PHLPP2: variants seen among roughly 807,000 people sequenced by gnomAD.
PHLPP2 encodes PH domain leucine-rich repeat-containing protein phosphatase 2.
PHLPP2 carries 66 observed loss-of-function variants against 124.9 expected under a neutral mutation model. That is an observed-to-expected ratio of 0.53 (90% CI 0.43 to 0.65). The LOEUF is 0.65. Ranked by LOEUF, PHLPP2 falls within the 30% of genes least tolerant of loss-of-function variation. The probability of loss-of-function intolerance (pLI) is 0.00; values close to 1 mark genes in which losing one functional copy is unlikely to be tolerated. For synonymous variants in PHLPP2, 681 were observed against 624.7 expected (o/e 1.09, Z -1.34); for missense variants, 1,685 against 1,600.4 (o/e 1.05, Z -0.90).
intron 13 of PHLPP2, among the ~76,000 whole-genome samples, chr16:71,662,697 C>A (rs542955663): frequency 1.3e-5 from 2 of 151,924 alleles, no homozygotes; most frequent in Non-Finnish European, 2.9e-5. Flanking sequence ...TTAATGACTA[C>A]CTTCATGGCA....
rs181472550 is a variant in PHLPP2, at chr16:71,708,466, C to T, written c.285-5735G>A. Among the ~76,000 whole-genome samples the T allele has an allele frequency of 4.9e-3, 741 of 152,298 alleles. 18 individuals are homozygous for T. Among genetic ancestry groups the T allele is most frequent in the South Asian group, 1.4e-3 (7 of 4,828 alleles). ...TATAAAACTGCCCCACCCCATCTCC[C>T]TTTGCTGATTCCTTTTTCCGACTCA... On this transcript the variant is annotated intron_variant, in intron 2 of 18. Transcript: ENST00000568954.
intron 1 of PHLPP2, among the ~76,000 whole-genome samples, chr16:71,717,321 AAAG>A (rs1282272831): frequency 6.6e-6 from 1 of 152,204 alleles, no homozygotes; most frequent in Non-Finnish European, 1.5e-5. Context: ...ATGTGGGAAA[AAAG>A]AAAAACAAGA....
intron 9 of PHLPP2, among the ~76,000 whole-genome samples, chr16:71,675,530 T>C (rs1421302508): frequency 6.6e-6 from 1 of 152,202 alleles, no homozygotes; most frequent in African/African-American, 2.4e-5. Flanking sequence ...GGCTAAATAG[T>C]AAACATTTTA....
At chr16:71,671,514 T>A (rs868666155) in intron 10 of PHLPP2, among the ~76,000 whole-genome samples, 4 of 151,998 alleles carry the variant, frequency 2.6e-5, no homozygotes, top group Admixed American at 6.6e-5. Flanking sequence ...CCAACAGTGG[T>A]TATAAATGAA....
rs894273700 is a variant in PHLPP2, at chr16:71,649,681, T to C, written c.3181A>G (p.Ile1061Val). The C allele has an allele frequency of 1.2e-6, 2 of 1,614,120 alleles. No homozygotes were observed. The change falls in exon 19 of 19, where the codon ATC becomes GTC. Residue 1061 changes from isoleucine to valine, a missense_variant. Physicochemically the swap from Ile to Val is conservative, Grantham distance 29 (BLOSUM62 3). Coordinates refer to ENST00000568954, the MANE Select transcript of PHLPP2 (RefSeq NM_015020.3). Reference sequence around the variant, plus strand: ...GTGGCTGGCTTAGGGGCATCCTTGATAGTGGTGGTTGAAGCAAATCCCACA... The same window carrying C: ...GTGGCTGGCTTAGGGGCATCCTTGACAGTGGTGGTTGAAGCAAATCCCACA... ...GPVGFASTTT[I>V]KDAPKPATPS... is the part of the protein sequence containing the mutation.
rs191031922 is a variant in PHLPP2, at chr16:71,676,740, C to T, written c.1269-91G>A. The T allele has an allele frequency of 5.1e-5, 48 of 936,306 alleles. No individual in the cohort carries two copies. In the East Asian group the frequency reaches 1.2e-3, roughly 23 times the overall value. The allele number at this position is 936,306 out of a possible 1,614,324, so 58.0% of individuals were successfully genotyped here. A position where few individuals can be genotyped will look rare whatever the true frequency, so the allele number is the denominator to read the frequency against. ...AAATAAAAAATAGGACAGGTATGAT[C>T]CCTTTCTCTGTTTACTTTTTTTTTT... On this transcript the variant is annotated intron_variant, in intron 8 of 18. Coordinates refer to ENST00000568954, the MANE Select transcript of PHLPP2 (RefSeq NM_015020.3).
chr16:71,694,931 C>T (rs1390646296), intron 3 of PHLPP2, among the ~76,000 whole-genome samples: 1 of 151,922 alleles, frequency 6.6e-6, no homozygotes, highest in African/African-American at 2.4e-5. Context: ...ACTACAGGCG[C>T]CTGCCACCAC....
At chr16:71,650,881 T>C (rs570854131) in intron 18 of PHLPP2, among the ~76,000 whole-genome samples, 8 of 152,362 alleles carry the variant, frequency 5.3e-5, no homozygotes, top group East Asian at 1.9e-4. Context: ...CCCACTGAAT[T>C]AGAAACTCTG....
intron 4 of PHLPP2, among the ~76,000 whole-genome samples, chr16:71,689,006 C>T (rs1218015774): frequency 6.6e-6 from 1 of 152,062 alleles, no homozygotes; most frequent in African/African-American, 2.4e-5. Flanking sequence ...CTTGCAGAAA[C>T]AAAAGATACC....
chr16:71,691,070 C>T (rs999807226), intron 3 of PHLPP2, among the ~76,000 whole-genome samples: 2 of 152,192 alleles, frequency 1.3e-5, no homozygotes, highest in African/African-American at 4.8e-5. Context: ...ACTTTGTTTA[C>T]TTGAACTATT....
chr16:71,671,666 G>A (rs563003484), intron 10 of PHLPP2, among the ~76,000 whole-genome samples: 2 of 151,980 alleles, frequency 1.3e-5, no homozygotes, highest in African/African-American at 2.4e-5. Context: ...TGTAATCCCA[G>A]CACTTTGGAA....
intron 6 of PHLPP2, 110 bp downstream of exon 6, chr16:71,681,641 A>G: frequency 1.2e-6 from 1 of 813,030 alleles, no homozygotes; most frequent in Admixed American, 2.9e-5. Flanking sequence ...CCTCTTCAAA[A>G]GGGAGGGGAA....
chr16:71,690,460 G>T, intron 4 of PHLPP2, 59 bp downstream of exon 4: 1 of 1,129,378 alleles, frequency 8.9e-7, no homozygotes, highest in Non-Finnish European at 1.3e-6. Context: ...AAAGCATTAT[G>T]TGATATTTTC....
chr16:71,689,205 T>C (rs1300429239), intron 4 of PHLPP2, among the ~76,000 whole-genome samples: 3 of 151,970 alleles, frequency 2.0e-5, no homozygotes, highest in Non-Finnish European at 4.4e-5. Context: ...GCTAGGTCTT[T>C]TCATATTTTT....
chr16:71,659,459 C>A (rs1007188562), intron 13 of PHLPP2, among the ~76,000 whole-genome samples: 16 of 152,136 alleles, frequency 1.1e-4, no homozygotes, highest in African/African-American at 3.1e-4. Context: ...CCATGTTGGC[C>A]AGGATGGTCT....
At chr16:71,689,365 C>A (rs1007200182) in intron 4 of PHLPP2, among the ~76,000 whole-genome samples, 1 of 145,516 alleles carries the variant, frequency 6.9e-6, no homozygotes, top group African/African-American at 2.5e-5. Flanking sequence ...ACACTTCAGG[C>A]GCCACACCAC....
chr16:71,677,375 C>A (rs571787602), intron 8 of PHLPP2: 1 of 150,768 alleles, frequency 6.6e-6, no homozygotes, highest in African/African-American at 2.4e-5. Context: ...CATACTTCTT[C>A]CTGTTGCTAT....
At position 71,646,953 on chromosome 16, in the gene PHLPP2, A is replaced by G. The variant is rs1342832838; in HGVS notation, c.*1937T>C. On this transcript the variant is annotated 3_prime_UTR_variant, in exon 19 of 19. Coordinates refer to ENST00000568954, the MANE Select transcript of PHLPP2 (RefSeq NM_015020.3). ...AAGAGTGTATCCCAATGACACGTGC[A>G]TATGAGCATGGGGCCTCTGAGAAGA... is the stretch of plus-strand genomic sequence containing the variant. 1 of 152,376 alleles carries G rather than the reference A, an allele frequency of 6.6e-6. No homozygotes were observed. The highest frequency in any genetic ancestry group is 1.5e-5 in the Non-Finnish European group (1 of 68,040). 9.4% of individuals were successfully genotyped at this position (152,376 alleles called of 1,614,324 possible).
chr16:71,698,642 C>T, intron 3 of PHLPP2: 2 of 591,076 alleles, frequency 3.4e-6, no homozygotes, highest in South Asian at 1.5e-5. Context: ...CTGCTGTGGG[C>T]AGCCATTGTA....
Sources: allele counts gnomAD v4.1 joint callset (sites outside exome capture counted in the v4.1 genomes callset), GRCh38; gene constraint gnomAD v4.1.1; transcripts MANE v1.5; gene names NCBI Gene and HGNC (gene_info 2026-07-23, HGNC 2026-07-21).